FAM110B: variants seen among roughly 807,000 people sequenced by gnomAD.
The protein encoded by FAM110B is protein FAM110B.
A neutral mutation model predicts 20.4 loss-of-function variants in FAM110B; 6 were observed. The observed-to-expected ratio is 0.29, with a 90% CI of 0.16 to 0.58. The LOEUF (loss-of-function observed/expected upper bound fraction) is 0.58, where lower values mean the gene tolerates loss of function less well. Among genes scored for constraint, FAM110B ranks in the 20% least tolerant of loss-of-function variants. The probability of loss-of-function intolerance (pLI) is 0.90; values close to 1 mark genes in which losing one functional copy is unlikely to be tolerated. For synonymous variants in FAM110B, 226 were observed against 214.1 expected (o/e 1.06, Z -0.49); for missense variants, 434 against 498.2 (o/e 0.87, Z 1.23).
chr8:58,096,708 C>G (rs1435551991), intron 3 of FAM110B, among the ~76,000 whole-genome samples: 5 of 152,132 alleles, frequency 3.3e-5, no homozygotes, highest in African/African-American at 1.2e-4. Context: ...TTTAGTGCTT[C>G]CTTCAGGAGC....
chr8:58,017,488 A>G (rs745811358), intron 1 of FAM110B, among the ~76,000 whole-genome samples: 2 of 152,168 alleles, frequency 1.3e-5, no homozygotes, highest in South Asian at 2.1e-4. Flanking sequence ...ACTCTTTACT[A>G]TTGGTGAAGT....
rs1803859651 is a variant in FAM110B, at chr8:58,146,225, C to G, written c.-6C>G. ...CAACACGGCTGCCGGGGAAAGACCG[C>G]CCACCATGCCCACGGAGACCCTACA... On this transcript the variant is annotated 5_prime_UTR_variant, in exon 4 of 4. Coordinates refer to ENST00000519262, the MANE Select transcript of FAM110B (RefSeq NM_001377989.1). The G allele has an allele frequency of 6.3e-7, 1 of 1,585,028 alleles. No homozygotes were observed. Among genetic ancestry groups the G allele is most frequent in the East Asian group, 2.3e-5 (1 of 44,394 alleles).
chr8:58,019,022 C>T (rs1018401973), intron 1 of FAM110B, among the ~76,000 whole-genome samples: 5 of 151,962 alleles, frequency 3.3e-5, no homozygotes, highest in Non-Finnish European at 7.4e-5. Flanking sequence ...TACTTTTCAG[C>T]CAAATATCTT....
At chr8:58,034,951 G>A (rs773191471) in intron 2 of FAM110B, among the ~76,000 whole-genome samples, 18 of 152,158 alleles carry the variant, frequency 1.2e-4, no homozygotes, top group African/African-American at 2.4e-4. Flanking sequence ...AAGAATGGCC[G>A]CAAGTTCAGT....
chr8:58,130,794 CTG>C (rs1432838792), intron 3 of FAM110B, among the ~76,000 whole-genome samples: 2 of 152,240 alleles, frequency 1.3e-5, no homozygotes, highest in Admixed American at 1.3e-4. Context: ...CGTTCTTCCT[CTG>C]TCTTACAGAT....
At chr8:58,035,624 A>T (rs7843444) in intron 2 of FAM110B, among the ~76,000 whole-genome samples, 50,405 of 152,056 alleles carry the variant, frequency 0.33, 9,344 homozygotes, top group Non-Finnish European at 0.42. Flanking sequence ...CATGCTCAGT[A>T]CAGATGGGAA....
At chr8:58,063,712 T>G (rs1805702932) in intron 2 of FAM110B, among the ~76,000 whole-genome samples, 1 of 152,204 alleles carries the variant, frequency 6.6e-6, no homozygotes, top group African/African-American at 2.4e-5. Context: ...TTCAGCTATA[T>G]TTTCATTTGG....
At chr8:58,030,037 A>G (rs927500741) in intron 1 of FAM110B, among the ~76,000 whole-genome samples, 3 of 152,228 alleles carry the variant, frequency 2.0e-5, no homozygotes, top group African/African-American at 4.8e-5. Flanking sequence ...TGGCCAAAAT[A>G]AAAGTATTGG....
At chr8:58,014,104 G>A (rs986840346) in intron 1 of FAM110B, among the ~76,000 whole-genome samples, 1 of 152,088 alleles carries the variant, frequency 6.6e-6, no homozygotes. Flanking sequence ...ACCTAAATTG[G>A]CGTAACCCAT....
chr8:58,068,016 A>G (rs1805807383), intron 2 of FAM110B, among the ~76,000 whole-genome samples: 1 of 152,240 alleles, frequency 6.6e-6, no homozygotes, highest in Admixed American at 6.5e-5. Context: ...AATGTCTTCT[A>G]CTAAACAGGC....
chr8:57,995,274 G>A (rs1804161274), intron 1 of FAM110B, among the ~76,000 whole-genome samples: 1 of 152,186 alleles, frequency 6.6e-6, no homozygotes, highest in African/African-American at 2.4e-5. Context: ...CTCCTGAATG[G>A]TCTCTAATCT....
intron 3 of FAM110B, among the ~76,000 whole-genome samples, chr8:58,144,292 TGTAAA>T (rs1563385458): frequency 1.2e-4 from 19 of 152,348 alleles, no homozygotes; most frequent in African/African-American, 4.3e-4. Flanking sequence ...GAGTCTCTTC[TGTAAA>T]GAGGATGAGA....
At chr8:58,102,298 T>A (rs1038201394) in intron 3 of FAM110B, among the ~76,000 whole-genome samples, 10 of 152,192 alleles carry the variant, frequency 6.6e-5, no homozygotes, top group African/African-American at 2.4e-4. Context: ...CCCCAAACCT[T>A]AATTTATTTC....
chr8:58,111,283 A>G (rs963779980), intron 3 of FAM110B, among the ~76,000 whole-genome samples: 6 of 152,350 alleles, frequency 3.9e-5, no homozygotes, highest in Non-Finnish European at 8.8e-5. Context: ...TGTGATGGGT[A>G]TGAAAGTATG....
chr8:58,089,338 G>C (rs1471048714), intron 3 of FAM110B, among the ~76,000 whole-genome samples: 5 of 152,160 alleles, frequency 3.3e-5, no homozygotes, highest in African/African-American at 1.2e-4. Flanking sequence ...CTCTGCTATA[G>C]TGCTTAAAAC....
intron 3 of FAM110B, among the ~76,000 whole-genome samples, chr8:58,136,586 A>C (rs961841827): frequency 1.3e-5 from 2 of 152,190 alleles, no homozygotes; most frequent in Non-Finnish European, 2.9e-5. Flanking sequence ...TTCATCAAGC[A>C]AGTCATTATA....
chr8:58,037,510 C>T (rs4397389), intron 2 of FAM110B, among the ~76,000 whole-genome samples: 43,223 of 151,450 alleles, frequency 0.29, 6,457 homozygotes, highest in Middle Eastern at 0.43. Flanking sequence ...GTGTGGTGCA[C>T]GCCTATAACC....
At position 58,006,510 on chromosome 8, in the gene FAM110B, C is replaced by T. The variant is rs535708098; in HGVS notation, c.-512+11704C>T. ...CCAGGGAAGAGTTTTATCTAGACCT[C>T]CTAGGGTAAAACTGGCTGGGTCCAA... On this transcript the variant is annotated intron_variant, in intron 1 of 3. Coordinates refer to ENST00000519262, the MANE Select transcript of FAM110B (RefSeq NM_001377989.1). 2.0e-5 allele frequency among the ~76,000 whole-genome samples: 3 copies of T among 152,226 alleles called. No individual in the cohort carries two copies. In the South Asian group the frequency reaches 6.2e-4, roughly 32 times the overall value.
chr8:58,097,363 A>G (rs563182543), intron 3 of FAM110B, among the ~76,000 whole-genome samples: 1 of 152,262 alleles, frequency 6.6e-6, no homozygotes, highest in African/African-American at 2.4e-5. Flanking sequence ...ATGCTTCACA[A>G]AGTTGTCGTG....
Sources: allele counts gnomAD v4.1 joint callset (sites outside exome capture counted in the v4.1 genomes callset), GRCh38; gene constraint gnomAD v4.1.1; transcripts MANE v1.5; gene names NCBI Gene and HGNC (gene_info 2026-07-23, HGNC 2026-07-21).